INSR: variants seen among roughly 807,000 people sequenced by gnomAD.
The protein encoded by INSR is insulin receptor.
A neutral mutation model predicts 142.6 loss-of-function variants in INSR; 67 were observed. That is an observed-to-expected ratio of 0.47 (90% CI 0.39 to 0.58). The LOEUF is 0.58. Ranked by LOEUF, INSR falls within the 20% of genes least tolerant of loss-of-function variation. The probability of loss-of-function intolerance (pLI) is 0.00; values close to 1 mark genes in which losing one functional copy is unlikely to be tolerated. For missense variants in INSR, 1,248 were observed against 1,833.2 expected (o/e 0.68, Z 5.83); for synonymous variants, 756 against 743.1 (o/e 1.02, Z -0.28).
intron 9 of INSR, among the ~76,000 whole-genome samples, chr19:7,160,475 G>C (rs1310261963): frequency 6.6e-6 from 1 of 151,680 alleles, no homozygotes; most frequent in Non-Finnish European, 1.5e-5. Context: ...AATTAGCCAG[G>C]TATAGTGTCT....
At chr19:7,165,867 A>C (rs1482469899) in intron 8 of INSR, among the ~76,000 whole-genome samples, 2 of 95,200 alleles carry the variant, frequency 2.1e-5, no homozygotes. Flanking sequence ...CATCTCAAAG[A>C]AAAAAAAAAA....
At chr19:7,183,134 C>A (rs1056563496) in intron 3 of INSR, among the ~76,000 whole-genome samples, 8 of 152,020 alleles carry the variant, frequency 5.3e-5, no homozygotes, top group African/African-American at 1.9e-4. Flanking sequence ...CAGGGAAATA[C>A]AATTTCCCAC....
At chr19:7,137,776 CAG>C (rs1416161405) in intron 13 of INSR, among the ~76,000 whole-genome samples, 2 of 105,550 alleles carry the variant, frequency 1.9e-5, no homozygotes, top group African/African-American at 7.6e-5. Flanking sequence ...GACAGGATGA[CAG>C]AGTGAGTGAG....
chr19:7,128,413 C>T (rs998132062), intron 15 of INSR, among the ~76,000 whole-genome samples: 1 of 151,886 alleles, frequency 6.6e-6, no homozygotes, highest in African/African-American at 2.4e-5. Flanking sequence ...GAGGTTTCAC[C>T]ATGTTGGCCA....
chr19:7,263,705 C>T (rs187690289), intron 2 of INSR, among the ~76,000 whole-genome samples: 1 of 152,248 alleles, frequency 6.6e-6, no homozygotes, highest in East Asian at 1.9e-4. Flanking sequence ...TTCTTAATAG[C>T]AAAGCAATTT....
chr19:7,284,868 G>A (rs949793154), intron 1 of INSR, among the ~76,000 whole-genome samples: 3 of 152,238 alleles, frequency 2.0e-5, no homozygotes, highest in South Asian at 4.1e-4. Flanking sequence ...TGAATCTGAC[G>A]CATAAGGGCT....
rs1364908740 is a variant in INSR, at chr19:7,122,969, C to T, written c.3279G>A (p.Val1093=). The change falls in exon 18 of 22, where the codon GTG becomes GTA. Residue 1093 remains valine (V), a synonymous_variant. Coordinates refer to ENST00000302850, the MANE Select transcript of INSR (RefSeq NM_000208.4). ...CHHVVRLLGV[V]SKGQPTLVVM... ...CCACCAGCGTGGGCTGGCCCTTGGACACCACTCCCAGGAGGCGCACCTGCA... is the reference window on the plus strand; with the variant it reads ...CCACCAGCGTGGGCTGGCCCTTGGATACCACTCCCAGGAGGCGCACCTGCA... 3.1e-6 allele frequency: 5 copies of T among 1,605,230 alleles called. 1 individual carries two copies. The highest frequency in any genetic ancestry group is 4.5e-5 in the East Asian group (2 of 44,466).
chr19:7,279,887 G>C (rs1238504376), intron 1 of INSR, among the ~76,000 whole-genome samples: 1 of 150,628 alleles, frequency 6.6e-6, no homozygotes. Flanking sequence ...AGGATTGCTC[G>C]AGCCTGGGAG....
intron 2 of INSR, among the ~76,000 whole-genome samples, chr19:7,247,112 C>T (rs1001155212): frequency 6.6e-6 from 1 of 152,230 alleles, no homozygotes; most frequent in African/African-American, 2.4e-5. Flanking sequence ...ACTGCCCCCA[C>T]CTCATGGCTT....
At chr19:7,206,272 A>G (rs79613604) in intron 2 of INSR, among the ~76,000 whole-genome samples, 3,056 of 152,110 alleles carry the variant, frequency 0.02, 100 homozygotes, top group African/African-American at 0.063. Context: ...GGCTCACTCA[A>G]TCTTCCCACC....
intron 2 of INSR, among the ~76,000 whole-genome samples, chr19:7,207,858 G>A (rs1975147014): frequency 6.9e-6 from 1 of 145,612 alleles, no homozygotes; most frequent in South Asian, 2.3e-4. Flanking sequence ...TTGCACTCTA[G>A]CCTGGGTGAT....
rs1256184741 is a variant in INSR at position 7,150,281 on chromosome 19, AGT to A, written c.2267+214_2267+215del. Among the ~76,000 whole-genome samples the A allele has an allele frequency of 1.3e-5, 2 of 152,214 alleles. No homozygotes were observed. Among genetic ancestry groups the A allele is most frequent in the Non-Finnish European group, 2.9e-5 (2 of 68,034 alleles). ...TCCCATGATTCTATGTTTTAGCAAGAGTGTGTTAGTGAAGGTTTCTCCCCACA... is the reference window on the plus strand; with the variant it reads ...TCCCATGATTCTATGTTTTAGCAAGAGTGTTAGTGAAGGTTTCTCCCCACA... On this transcript the variant is annotated intron_variant, in intron 11 of 21. Transcript: ENST00000302850. This position sits in a 1 kb window ranked among gnomAD's most constrained non-coding sequence, Gnocchi z 4.2.
intron 1 of INSR, among the ~76,000 whole-genome samples, chr19:7,274,166 TC>T (rs1323911031): frequency 6.6e-6 from 1 of 151,972 alleles, no homozygotes; most frequent in African/African-American, 2.4e-5. Context: ...ATGAAACTGT[TC>T]CACCTCAGAT....
intron 2 of INSR, among the ~76,000 whole-genome samples, chr19:7,247,339 A>T (rs556721436): frequency 1.3e-5 from 2 of 152,010 alleles, no homozygotes; most frequent in Non-Finnish European, 2.9e-5. Flanking sequence ...GAGCTGACAC[A>T]TTCCTCATTC....
intron 11 of INSR, among the ~76,000 whole-genome samples, chr19:7,143,381 T>C (rs112305853): frequency 6.2e-4 from 94 of 152,298 alleles, no homozygotes; most frequent in African/African-American, 1.9e-3. Context: ...CATGCTCGAT[T>C]TCAGGTTTTT....
At chr19:7,273,586 T>G (rs1337287471) in intron 1 of INSR, among the ~76,000 whole-genome samples, 1 of 151,872 alleles carries the variant, frequency 6.6e-6, no homozygotes, top group African/African-American at 2.4e-5. Context: ...TGGCATGATC[T>G]TGGCTTGCTG....
intron 2 of INSR, among the ~76,000 whole-genome samples, chr19:7,195,119 G>A (rs149162111): frequency 0.01 from 1,547 of 152,186 alleles, 12 homozygotes; most frequent in Non-Finnish European, 0.018. Context: ...TTTCATTCAG[G>A]TATATGCATG....
At chr19:7,257,394 C>T (rs1452902685) in intron 2 of INSR, among the ~76,000 whole-genome samples, 1 of 151,818 alleles carries the variant, frequency 6.6e-6, no homozygotes, top group Non-Finnish European at 1.5e-5. Context: ...AGGTGCTCTG[C>T]TCCAAACACG....
chr19:7,152,390 AAAAAGAG>A, intron 10 of INSR: 10 of 298,338 alleles, frequency 3.4e-5, no homozygotes, highest in South Asian at 2.4e-4. Context: ...AAAAAAAAAA[AAAAAGAG>A]AGAGAGAGAA....
Sources: allele counts gnomAD v4.1 joint callset (sites outside exome capture counted in the v4.1 genomes callset), GRCh38; gene constraint gnomAD v4.1.1; non-coding constraint Gnocchi (gnomAD v3.1); transcripts MANE v1.5; gene names NCBI Gene and HGNC (gene_info 2026-07-23, HGNC 2026-07-21).